Variants in TCP1 observed in about 807,000 individuals in gnomAD.
TCP1 encodes T-complex protein 1 subunit alpha.
TCP1 carries 6 observed loss-of-function variants against 54.7 expected under a neutral mutation model. That is an observed-to-expected ratio of 0.11 (90% CI 0.06 to 0.22). The LOEUF (loss-of-function observed/expected upper bound fraction) is 0.22. TCP1 is among the 10% of genes least tolerant of loss of function. The pLI, the probability that TCP1 is intolerant of heterozygous loss-of-function variation, is 1.00. For synonymous variants in TCP1, 225 were observed against 229.7 expected (o/e 0.98, Z 0.19); for missense variants, 511 against 678.2 (o/e 0.75, Z 2.74).
In TCP1 at chr6:159,780,161, C is replaced by CA. The variant is rs897069328; in HGVS notation, c.1098-75dup. On this transcript the variant is annotated intron_variant, in intron 9 of 11. Transcript: ENST00000321394. ...TTTTTTGCCAAGACCATCAATTTCTCAAAAAAAATGGCATTTTAATAAAAT... is the reference window on the plus strand; with the variant it reads ...TTTTTTGCCAAGACCATCAATTTCTCAAAAAAAAATGGCATTTTAATAAAAT... The CA allele has an allele frequency of 1.5e-4, 235 of 1,524,076 alleles. 2 individuals are homozygous for CA. The highest frequency in any genetic ancestry group is 1.3e-3 in the Admixed American group (62 of 49,162). 94.4% of individuals were successfully genotyped at this position (1,524,076 alleles called of 1,614,324 possible). A position where few individuals can be genotyped will look rare whatever the true frequency, so the allele number is the denominator to read the frequency against.
intron 3 of TCP1, 117 bp from the exon 4 acceptor site, chr6:159,786,114 T>A: frequency 1.8e-5 from 13 of 718,664 alleles, no homozygotes; most frequent in Non-Finnish European, 3.1e-5. Context: ...ATGAAATGAA[T>A]TAACTGGTTA....
intron 11 of TCP1, 57 bp from the exon 12 acceptor site, chr6:159,779,318 T>C: frequency 7.0e-7 from 1 of 1,432,562 alleles, no homozygotes; most frequent in Non-Finnish European, 9.8e-7. Flanking sequence ...GGTGGCCTAT[T>C]AACTCCAGCA....
intron 4 of TCP1, 70 bp downstream of exon 4, chr6:159,785,830 A>G: frequency 5.0e-6 from 6 of 1,209,550 alleles, no homozygotes; most frequent in Non-Finnish European, 7.2e-6. Flanking sequence ...GTTATTAATC[A>G]AAACGTTAAG....
In TCP1 at chr6:159,788,080, T is replaced by C. The variant is rs751364757; in HGVS notation, c.128A>G (p.Lys43Arg). The C allele has an allele frequency of 4.3e-6, 7 of 1,614,030 alleles. No individual in the cohort carries two copies. Among genetic ancestry groups the C allele is most frequent in the African/African-American group, 1.3e-5 (1 of 74,918 alleles). Residue 43 changes from lysine (K) to arginine (R), a missense_variant, in exon 2 of 12, where the codon AAA becomes AGA. Physicochemically the swap from Lys to Arg is conservative, Grantham distance 26. Around this residue, in one of 5 missense-constraint regions of TCP1, gnomAD observed 54 missense variants for 111.8 expected, o/e 0.48. Transcript: ENST00000321394. Reference protein sequence around the residue: ...KSSLGPVGLDKMLVDDIGDVT... With the variant: ...KSSLGPVGLDRMLVDDIGDVT... Reference sequence around the variant, plus strand: ...TACACCAATATCATCCACCAACATTTTATCCAAGCCAACTGGACCAAGAGA... The same window carrying C: ...TACACCAATATCATCCACCAACATTCTATCCAAGCCAACTGGACCAAGAGA...
chr6:159,787,905 T>C, intron 2 of TCP1, 34 bp from the exon 3 acceptor site: 1 of 1,612,384 alleles, frequency 6.2e-7, no homozygotes, highest in Non-Finnish European at 8.5e-7. Flanking sequence ...ATGAACCACT[T>C]ATAGAAATCA....
intron 4 of TCP1, 93 bp downstream of exon 4, chr6:159,785,807 A>C: frequency 1.9e-6 from 2 of 1,038,998 alleles, no homozygotes; most frequent in African/African-American, 1.6e-5. Context: ...GAAGGTTTTC[A>C]AATTAAAATT....
At position 159,789,595 on chromosome 6, in the gene TCP1, G is replaced by T. The variant is rs1780802804; in HGVS notation, c.-127C>A. On this transcript the variant is annotated 5_prime_UTR_variant, in exon 1 of 12. Transcript: ENST00000321394. The stretch of plus-strand genomic sequence containing the variant: ...GGAGCGTACCCGAGCGATGTCCCAG[G>T]AGCTACTGGGTAACACACCACCCCA... 5 of 1,167,692 alleles carry T rather than the reference G, an allele frequency of 4.3e-6. No individual in the cohort carries two copies. The highest frequency in any genetic ancestry group is 1.5e-5 in the African/African-American group (1 of 65,764). 72.3% of individuals were successfully genotyped at this position (1,167,692 alleles called of 1,614,324 possible).
At chr6:159,784,602 C>T in intron 6 of TCP1, 64 bp downstream of exon 6, 1 of 1,555,834 alleles carries the variant, frequency 6.4e-7, no homozygotes, top group Admixed American at 1.9e-5. Flanking sequence ...CCGCGCCCAG[C>T]CAAAAGAAAA....
rs1780487822 is a variant in TCP1, at chr6:159,778,598, T to G, written c.*447A>C. On this transcript the variant is annotated 3_prime_UTR_variant, in exon 12 of 12. Coordinates refer to ENST00000321394, the MANE Select transcript of TCP1 (RefSeq NM_030752.3). Reference sequence around the variant, plus strand: ...ATACATTAAGAGGAAAAAGACAAGTTTAAGATTTTAAACTGTGTCCACAGA... The same window carrying G: ...ATACATTAAGAGGAAAAAGACAAGTGTAAGATTTTAAACTGTGTCCACAGA... 2.6e-6 allele frequency: 4 copies of G among 1,563,528 alleles called. No individual in the cohort carries two copies. The highest frequency in any genetic ancestry group is 3.5e-6 in the Non-Finnish European group (4 of 1,145,026).
chr6:159,785,858 T>C, intron 4 of TCP1, 42 bp downstream of exon 4: 1 of 1,480,440 alleles, frequency 6.8e-7, no homozygotes, highest in Non-Finnish European at 9.4e-7. Context: ...AGTTTACAAC[T>C]ATTACATCAA....
At chr6:159,780,240 T>C in intron 9 of TCP1, 153 bp from the exon 10 acceptor site, 1 of 1,213,500 alleles carries the variant, frequency 8.2e-7, no homozygotes, top group South Asian at 1.2e-5. Flanking sequence ...TTAGATATAC[T>C]ATACAGAAAC....
chr6:159,785,810 T>C (rs1780683883), intron 4 of TCP1, 90 bp downstream of exon 4: 1 of 1,063,000 alleles, frequency 9.4e-7, no homozygotes, highest in Admixed American at 2.0e-5. Context: ...GGTTTTCAAA[T>C]TAAAATTTAG....
chr6:159,789,452 G>A lies in TCP1; in HGVS notation c.17C>T (p.Ser6Phe). 1.2e-6 allele frequency: 2 copies of A among 1,613,910 alleles called. No individual in the cohort carries two copies. Among genetic ancestry groups the A allele is most frequent in the Non-Finnish European group, 1.7e-6 (2 of 1,179,868 alleles). ...CCCAGTGCTGCGGTCACCGAACACG[G>A]ACAAAGGCCCCTCCATCTTGACGGC... MEGPL[S>F]VFGDRSTGET... The change falls in exon 1 of 12, where the codon TCC (serine) becomes TTC (phenylalanine). Residue 6 changes from serine to phenylalanine, a missense_variant. Ser to Phe is a radical substitution (Grantham distance 155). Transcript: ENST00000321394.
Position 159,788,132 on chromosome 6 carries a change from C to T in TCP1, c.76G>A (p.Ala26Thr). Residue 26 changes from alanine (A) to threonine (T), a missense_variant, in exon 2 of 12, where the codon GCT becomes ACT. Physicochemically the swap from Ala to Thr is moderately conservative, Grantham distance 58 (BLOSUM62 0). Around this residue, in one of 5 missense-constraint regions of TCP1, gnomAD observed 54 missense variants for 111.8 expected, o/e 0.48. Coordinates refer to ENST00000321394, the MANE Select transcript of TCP1 (RefSeq NM_030752.3). Reference sequence around the variant, plus strand: ...CTTTTTACAATATTGGCAATCGAAGCTGCAGCCATAACTGTAGACAATCAA... The same window carrying T: ...CTTTTTACAATATTGGCAATCGAAGTTGCAGCCATAACTGTAGACAATCAA... ...TIRSQNVMAA[A>T]SIANIVKSSL... The T allele has an allele frequency of 6.2e-7, 1 of 1,614,054 alleles. No homozygotes were observed.
chr6:159,783,831 ACAC>A lies in TCP1; in HGVS notation c.797+107_797+109del, dbSNP rs1419252302. 400 of 1,438,208 alleles carry A rather than the reference ACAC, an allele frequency of 2.8e-4. 5 individuals carry two copies. In the Middle Eastern group the frequency reaches 5.6e-3, roughly 20 times the overall value. The allele number at this position is 1,438,208 out of a possible 1,614,324, so 89.1% of individuals were successfully genotyped here. On this transcript the variant is annotated intron_variant, in intron 7 of 11. Coordinates refer to ENST00000321394, the MANE Select transcript of TCP1 (RefSeq NM_030752.3). ...TGTATAACCCCAAATCCCTCTAAAA[ACAC>A]CACCAGGCTAATTTTTCTGGAAGTA...
Position 159,779,181 on chromosome 6 carries a change from T to C in TCP1, c.1535A>G (p.Lys512Arg), listed in dbSNP as rs752578044. The C allele has an allele frequency of 1.1e-5, 17 of 1,613,866 alleles. No individual in the cohort carries two copies. Among genetic ancestry groups the C allele is most frequent in the Non-Finnish European group, 1.4e-5 (16 of 1,179,858 alleles). ...AGCTTCTGTTGCAAATTTCAAACTCTTAACTTTAACTATGGTTGGTTCAAA... is the reference window on the plus strand; with the variant it reads ...AGCTTCTGTTGCAAATTTCAAACTCCTAACTTTAACTATGGTTGGTTCAAA... ...GVFEPTIVKVKSLKFATEAAI... is the reference protein window; with the variant it reads ...GVFEPTIVKVRSLKFATEAAI... The change falls in exon 12 of 12, where the codon AAG (lysine) becomes AGG (arginine). Residue 512 changes from lysine to arginine, a missense_variant. Transcript: ENST00000321394.
intron 6 of TCP1, 84 bp downstream of exon 6, chr6:159,784,582 G>A: frequency 6.9e-7 from 1 of 1,443,802 alleles, no homozygotes; most frequent in Non-Finnish European, 9.4e-7. Context: ...GGGATTACAG[G>A]CATGAGCCAC....
In TCP1 at chr6:159,784,151, C is replaced by T. The variant is rs1780638876; in HGVS notation, c.671-84G>A. 6 of 1,468,952 alleles carry T rather than the reference C, an allele frequency of 4.1e-6. No homozygotes were observed. In the South Asian group the frequency reaches 8.6e-5, roughly 21 times the overall value. 91.0% of individuals were successfully genotyped at this position (1,468,952 alleles called of 1,614,324 possible). On this transcript the variant is annotated intron_variant, in intron 6 of 11. Transcript: ENST00000321394. Reference sequence around the variant, plus strand: ...ACCTATAATCGATTGTATGTAAACACACAAATTTAGACTAATTCATTGCAT... The same window carrying T: ...ACCTATAATCGATTGTATGTAAACATACAAATTTAGACTAATTCATTGCAT...
chr6:159,779,965 G>A lies in TCP1; in HGVS notation c.1220C>T (p.Ser407Phe). ...CVVKRVLESK[S>F]VVPGGGAVEA... ...TACAGCACCCCCACCGGGAACCACA[G>A]ATTTTGACTCCAAAACTCTCTTCAC... Residue 407 changes from serine to phenylalanine, a missense_variant, in exon 10 of 12, where the codon TCT becomes TTT. Around this residue, in one of 5 missense-constraint regions of TCP1, gnomAD observed 305 missense variants for 352.8 expected, o/e 0.86. Transcript: ENST00000321394. 1 of 1,614,088 alleles carries A rather than the reference G, an allele frequency of 6.2e-7. No individual in the cohort carries two copies. The highest frequency in any genetic ancestry group is 8.5e-7 in the Non-Finnish European group (1 of 1,180,026).
Sources: allele counts gnomAD v4.1 joint callset, GRCh38; gene constraint gnomAD v4.1.1; regional missense constraint gnomAD v4.1.1; transcripts MANE v1.5; gene names NCBI Gene and HGNC (gene_info 2026-07-23, HGNC 2026-07-21).